The following CYP7B1 variants were observed in gnomAD, a reference collection of about 807,000 sequenced individuals.
CYP7B1 encodes cytochrome P450 7B1.
CYP7B1 carries 29 observed loss-of-function variants against 42.7 expected under a neutral mutation model. That is an observed-to-expected ratio of 0.68 (90% CI 0.51 to 0.93). The LOEUF is 0.93. Ranked by LOEUF, CYP7B1 falls within the 40% of genes least tolerant of loss-of-function variation. The probability of loss-of-function intolerance (pLI) is 0.00; values close to 1 mark genes in which losing one functional copy is unlikely to be tolerated. For synonymous variants in CYP7B1, 235 were observed against 218.2 expected (o/e 1.08, Z -0.68); for missense variants, 655 against 600.5 (o/e 1.09, Z -0.95).
intron 1 of CYP7B1, among the ~76,000 whole-genome samples, chr8:64,759,958 A>C (rs923260459): frequency 6.6e-5 from 10 of 152,180 alleles, no homozygotes; most frequent in Non-Finnish European, 1.3e-4. Context: ...TCAATATTTC[A>C]GAGAATATGT....
At chr8:64,792,274 G>A (rs921877665) in intron 1 of CYP7B1, among the ~76,000 whole-genome samples, 1 of 152,162 alleles carries the variant, frequency 6.6e-6, no homozygotes, top group African/African-American at 2.4e-5. Context: ...AGGAAAGAGA[G>A]AGATTAAGAG....
At chr8:64,756,013 G>A (rs980486963) in intron 1 of CYP7B1, among the ~76,000 whole-genome samples, 3 of 152,172 alleles carry the variant, frequency 2.0e-5, no homozygotes, top group Admixed American at 1.3e-4. Context: ...AGTCTGCTGA[G>A]CCCTATTCTA....
chr8:64,643,984 A>T (rs1222866488), intron 1 of CYP7B1, among the ~76,000 whole-genome samples: 1 of 152,168 alleles, frequency 6.6e-6, no homozygotes, highest in Non-Finnish European at 1.5e-5. Flanking sequence ...AGTCACCTAT[A>T]AGAATGGCGG....
intron 1 of CYP7B1, among the ~76,000 whole-genome samples, chr8:64,736,489 T>C (rs1053501517): frequency 2.0e-5 from 3 of 152,176 alleles, no homozygotes; most frequent in Non-Finnish European, 4.4e-5. Context: ...TTTGCTCTGT[T>C]GCCCAGGCTG....
At position 64,798,513 on chromosome 8, in the gene CYP7B1, G is replaced by A. The variant is rs536629832; in HGVS notation, c.75C>T (p.Ala25=). The A allele has an allele frequency of 4.6e-6, 7 of 1,507,328 alleles. No homozygotes were observed. Among genetic ancestry groups the A allele is most frequent in the Middle Eastern group, 2.3e-4 (1 of 4,360 alleles). 93.4% of individuals were successfully genotyped at this position (1,507,328 alleles called of 1,614,324 possible). The change falls in exon 1 of 6, where the codon GCC becomes GCT. Residue 25 remains alanine (A), a synonymous_variant. Transcript: ENST00000310193. The part of the protein sequence containing the change: ...ERLGLPGLAL[A]AALLLLALCL... ...AGAGGGCCAGGAGCAGCAGGGCCGC[G>A]GCGAGGGCCAGGCCCGGGAGGCCCA... is the stretch of plus-strand genomic sequence containing the variant.
At chr8:64,625,265 G>A (rs1440933226) in intron 1 of CYP7B1, among the ~76,000 whole-genome samples, 1 of 152,086 alleles carries the variant, frequency 6.6e-6, no homozygotes, top group Non-Finnish European at 1.5e-5. Context: ...GAGCCACCGC[G>A]CCCAGCCTAT....
At chr8:64,676,056 A>T (rs1036187337) in intron 1 of CYP7B1, among the ~76,000 whole-genome samples, 4 of 152,154 alleles carry the variant, frequency 2.6e-5, no homozygotes, top group African/African-American at 9.7e-5. Flanking sequence ...CTAAGCATCG[A>T]CAGAATAAAT....
chr8:64,714,642 G>A (rs1807126834), intron 1 of CYP7B1, among the ~76,000 whole-genome samples: 1 of 152,184 alleles, frequency 6.6e-6, no homozygotes, highest in South Asian at 2.1e-4. Flanking sequence ...TGATCAGGAA[G>A]TCTAAGGTCA....
At chr8:64,676,833 A>G (rs770686019) in intron 1 of CYP7B1, among the ~76,000 whole-genome samples, 2 of 152,116 alleles carry the variant, frequency 1.3e-5, no homozygotes, top group Non-Finnish European at 2.9e-5. Flanking sequence ...TAAATATGCT[A>G]GCAGAAATTC....
intron 1 of CYP7B1, among the ~76,000 whole-genome samples, chr8:64,697,066 T>C (rs1806839925): frequency 6.6e-6 from 1 of 152,218 alleles, no homozygotes; most frequent in South Asian, 2.1e-4. Flanking sequence ...GGGTTTTATC[T>C]ACTGCTTTAG....
intron 5 of CYP7B1, among the ~76,000 whole-genome samples, chr8:64,601,384 A>G (rs543390106): frequency 3.1e-4 from 47 of 152,250 alleles, no homozygotes; most frequent in African/African-American, 1.1e-3. Context: ...TTTTTTCCCT[A>G]TAAACCCCAC....
chr8:64,626,481 G>C (rs1218022874), intron 1 of CYP7B1, among the ~76,000 whole-genome samples: 1 of 152,068 alleles, frequency 6.6e-6, no homozygotes, highest in Non-Finnish European at 1.5e-5. Flanking sequence ...ATGTATTTGA[G>C]GTATTATTTT....
intron 1 of CYP7B1, among the ~76,000 whole-genome samples, chr8:64,733,564 G>C (rs4737200): frequency 0.99 from 150,903 of 152,300 alleles, 74,773 homozygotes; most frequent in East Asian, 1. Context: ...CCATACGCTA[G>C]TACTGCTTGC....
intron 1 of CYP7B1, among the ~76,000 whole-genome samples, chr8:64,772,894 T>C (rs1165601495): frequency 6.6e-6 from 1 of 152,186 alleles, no homozygotes; most frequent in Non-Finnish European, 1.5e-5. Flanking sequence ...GCACTGGCTG[T>C]ACCCTCTGAC....
At chr8:64,684,550 A>G (rs749138734) in intron 1 of CYP7B1, among the ~76,000 whole-genome samples, 9 of 152,256 alleles carry the variant, frequency 5.9e-5, no homozygotes, top group Admixed American at 2.0e-4. Context: ...TATTTATATA[A>G]GTCTATATTA....
At chr8:64,722,742 G>GT (rs1807258954) in intron 1 of CYP7B1, among the ~76,000 whole-genome samples, 1 of 35,354 alleles carries the variant, frequency 2.8e-5, no homozygotes, top group Non-Finnish European at 5.6e-5. Context: ...ATTTTTTGCG[G>GT]CGGGGGGGGG....
chr8:64,653,289 T>TA (rs1422412243), intron 1 of CYP7B1, among the ~76,000 whole-genome samples: 1 of 151,826 alleles, frequency 6.6e-6, no homozygotes, highest in Non-Finnish European at 1.5e-5. Context: ...AAGATTCAAA[T>TA]AAAAACAATG....
rs1297745130 is a variant in CYP7B1, at chr8:64,592,483, C to G, written c.*4159G>C. ...GTTGCCTACGTATTGTTTTCCCTAACAAATAGTATGTTCTTGAAGGGGAAG... is the reference window on the plus strand; with the variant it reads ...GTTGCCTACGTATTGTTTTCCCTAAGAAATAGTATGTTCTTGAAGGGGAAG... On this transcript the variant is annotated 3_prime_UTR_variant, in exon 6 of 6. Transcript: ENST00000310193. Among the ~76,000 whole-genome samples, 1 of 152,098 alleles carries G rather than the reference C, an allele frequency of 6.6e-6. No individual in the cohort carries two copies. Among genetic ancestry groups the G allele is most frequent in the Non-Finnish European group, 1.5e-5 (1 of 67,994 alleles).
intron 1 of CYP7B1, among the ~76,000 whole-genome samples, chr8:64,724,335 C>T (rs529506295): frequency 2.0e-4 from 30 of 151,932 alleles, no homozygotes; most frequent in Non-Finnish European, 2.8e-4. Flanking sequence ...TTAGTACAGA[C>T]GGGGTTTCAC....
Sources: gnomAD v4.1 joint callset for allele counts (sites outside exome capture counted in the v4.1 genomes callset) on GRCh38, gnomAD v4.1.1 for gene constraint, MANE v1.5 for transcripts, NCBI Gene and HGNC (gene_info 2026-07-23, HGNC 2026-07-21) for gene names.